Variants in PFKFB3 observed in about 807,000 individuals in gnomAD.
PFKFB3 encodes the protein 6-phosphofructo-2-kinase/fructose-2,6-bisphosphatase 3.
A neutral mutation model predicts 68.0 loss-of-function variants in PFKFB3; 33 were observed. The observed-to-expected ratio is 0.49, with a 90% CI of 0.37 to 0.65. PFKFB3 has a LOEUF of 0.65. PFKFB3 is among the 30% of genes least tolerant of loss of function. The pLI, the probability that PFKFB3 is intolerant of heterozygous loss-of-function variation, is 0.00. For missense variants in PFKFB3, 586 were observed against 712.2 expected (o/e 0.82, Z 2.02); for synonymous variants, 315 against 288.2 (o/e 1.09, Z -0.94).
At chr10:6,263,040 T>C in the PFKFB3 span, among the ~76,000 whole-genome samples, 2 of 151,812 alleles carry the variant, frequency 1.3e-5, no homozygotes, top group Non-Finnish European at 2.9e-5. Flanking sequence ...CACACAGAAA[T>C]ATAGAGGTGT....
At chr10:6,216,630 C>T (rs955463638) in intron 4 of PFKFB3, 76 bp from the exon 5 acceptor site, 16 of 997,812 alleles carry the variant, frequency 1.6e-5, no homozygotes, top group Non-Finnish European at 2.1e-5. Context: ...ATGGGTCTGG[C>T]ATCTTTGCTG....
At chr10:6,147,486 C>T (rs1841430262) in intron 1 of PFKFB3, among the ~76,000 whole-genome samples, 1 of 152,140 alleles carries the variant, frequency 6.6e-6, no homozygotes, top group Non-Finnish European at 1.5e-5. Context: ...CAGCGGGTAC[C>T]AGGCAAGTCG....
the PFKFB3 span, among the ~76,000 whole-genome samples, chr10:6,311,427 C>A: frequency 2.0e-4 from 30 of 152,152 alleles, no homozygotes; most frequent in Admixed American, 1.1e-3. Context: ...CTACGGAAGA[C>A]CTACCAGCAA....
At chr10:6,165,227 T>G (rs1041436722) in intron 1 of PFKFB3, among the ~76,000 whole-genome samples, 9 of 152,018 alleles carry the variant, frequency 5.9e-5, no homozygotes, top group Non-Finnish European at 1.0e-4. Flanking sequence ...TTACCAAGCA[T>G]ACTGCCTGCA....
At chr10:6,285,383 G>C in the PFKFB3 span, among the ~76,000 whole-genome samples, 9 of 151,998 alleles carry the variant, frequency 5.9e-5, no homozygotes, top group African/African-American at 1.9e-4. Flanking sequence ...ATAGGCATGT[G>C]CCACCATATC....
the PFKFB3 span, among the ~76,000 whole-genome samples, chr10:6,311,419 A>G: frequency 1.3e-5 from 2 of 151,992 alleles, no homozygotes; most frequent in Non-Finnish European, 2.9e-5. Context: ...CAGGTTCCCT[A>G]CGGAAGACCT....
the PFKFB3 span, among the ~76,000 whole-genome samples, chr10:6,324,788 T>G: frequency 6.6e-6 from 1 of 151,896 alleles, no homozygotes; most frequent in Non-Finnish European, 1.5e-5. Flanking sequence ...ATGCCAAATT[T>G]TATGTTATAT....
chr10:6,175,702 A>G (rs76660481), intron 1 of PFKFB3, among the ~76,000 whole-genome samples: 1,743 of 152,354 alleles, frequency 0.011, 71 homozygotes, highest in East Asian at 0.1. Context: ...ACCCAGTTCT[A>G]CATTTGGTGG....
At chr10:6,238,442 G>T (rs186501660), downstream of PFKFB3, among the ~76,000 whole-genome samples, 764 of 144,396 alleles carry the variant, frequency 5.3e-3, 10 homozygotes, top group African/African-American at 0.019. Flanking sequence ...CGGGATTACA[G>T]GTGTGAGCCA....
intron 13 of PFKFB3, 66 bp downstream of exon 13, chr10:6,224,279 C>T: frequency 6.6e-7 from 1 of 1,523,412 alleles, no homozygotes; most frequent in South Asian, 1.1e-5. Context: ...GTGATGGGCG[C>T]TCAGGAGGCC....
At chr10:6,285,078 T>C in the PFKFB3 span, among the ~76,000 whole-genome samples, 6 of 152,200 alleles carry the variant, frequency 3.9e-5, no homozygotes, top group Non-Finnish European at 8.8e-5. Flanking sequence ...GCCTCCTGCT[T>C]TCAGTTCTTT....
chr10:6,308,390 C>T, the PFKFB3 span, among the ~76,000 whole-genome samples: 1 of 152,112 alleles, frequency 6.6e-6, no homozygotes, highest in Non-Finnish European at 1.5e-5. Flanking sequence ...GTGGTCTGTG[C>T]CTATAATCCC....
chr10:6,320,314 G>A, the PFKFB3 span, among the ~76,000 whole-genome samples: 1 of 152,178 alleles, frequency 6.6e-6, no homozygotes, highest in East Asian at 1.9e-4. Context: ...GTCATTCCTT[G>A]GATGCTTTTG....
At chr10:6,227,461 T>C (rs977537279) in intron 14 of PFKFB3, among the ~76,000 whole-genome samples, 3 of 152,194 alleles carry the variant, frequency 2.0e-5, no homozygotes, top group African/African-American at 4.8e-5. Context: ...CCTCATGATG[T>C]CTGGAATGTG....
chr10:6,255,404 G>A (rs995471865), downstream of PFKFB3, among the ~76,000 whole-genome samples: 26 of 152,352 alleles, frequency 1.7e-4, no homozygotes, highest in South Asian at 4.1e-4. Context: ...GATTACAGGC[G>A]TGAGCCATCG....
chr10:6,176,472 A>AG (rs1842476438), intron 1 of PFKFB3, among the ~76,000 whole-genome samples: 1 of 152,204 alleles, frequency 6.6e-6, no homozygotes, highest in Non-Finnish European at 1.5e-5. Flanking sequence ...CAGTGGGCCC[A>AG]TCATCGCTCA....
At position 6,153,176 on chromosome 10, in the gene PFKFB3, AAAAGAAAGAAAG is replaced by A. The variant is rs57247558; in HGVS notation, c.16+8179_16+8190del. ...GACACAGCGAGACTCTGTCTCAGAA[AAAAGAAAGAAAG>A]AAAGAAAGAAAGAAATAAGAACAGA... is the stretch of plus-strand genomic sequence containing the variant. On this transcript the variant is annotated intron_variant, in intron 1 of 14. Transcript: ENST00000379789. Among the ~76,000 whole-genome samples the A allele has an allele frequency of 4.6e-5, 5 of 107,808 alleles. No individual in the cohort carries two copies. In the South Asian group the frequency reaches 1.3e-3, roughly 29 times the overall value. 70.7% of individuals were successfully genotyped at this position (107,808 alleles called of 152,430 possible).
upstream of PFKFB3, among the ~76,000 whole-genome samples, chr10:6,201,345 C>G (rs1414747245): frequency 1.3e-5 from 2 of 152,000 alleles, no homozygotes; most frequent in African/African-American, 4.8e-5. The surrounding 1 kb of genome is among the most constrained non-coding windows in gnomAD (Gnocchi z 4.1). Flanking sequence ...GGTTTCTGAA[C>G]AGCCGCCAGA....
chr10:6,205,992 T>G (rs1438129141), intron 1 of PFKFB3, among the ~76,000 whole-genome samples: 1 of 145,252 alleles, frequency 6.9e-6, no homozygotes, highest in Non-Finnish European at 1.5e-5. Flanking sequence ...TTTTTTTTAA[T>G]TGATCATTCT....
Sources: gnomAD v4.1 joint callset for allele counts (sites outside exome capture counted in the v4.1 genomes callset) on GRCh38, gnomAD v4.1.1 for gene constraint, Gnocchi (gnomAD v3.1) non-coding constraint, MANE v1.5 for transcripts, NCBI Gene and HGNC (gene_info 2026-07-23, HGNC 2026-07-21) for gene names.